P2RX3: variants seen among roughly 807,000 people sequenced by gnomAD.
P2RX3 encodes the protein P2X purinoceptor 3.
A neutral mutation model predicts 51.5 loss-of-function variants in P2RX3; 41 were observed. That is an observed-to-expected ratio of 0.80 (90% confidence interval 0.62 to 1.03). P2RX3 has a LOEUF of 1.03. P2RX3 is among the 50% of genes least tolerant of loss of function. The probability of loss-of-function intolerance (pLI) is 0.00; values close to 1 mark genes in which losing one functional copy is unlikely to be tolerated. For synonymous variants in P2RX3, 185 were observed against 191.6 expected (o/e 0.97, Z 0.29); for missense variants, 459 against 522.1 (o/e 0.88, Z 1.18).
At chr11:57,343,242 G>A (rs547109404) in intron 1 of P2RX3, among the ~76,000 whole-genome samples, 1 of 152,210 alleles carries the variant, frequency 6.6e-6, no homozygotes, top group African/African-American at 2.4e-5. Context: ...GCACAAGAAG[G>A]AGCCTTGAAG....
chr11:57,356,291 G>GA (rs137902589), intron 8 of P2RX3, among the ~76,000 whole-genome samples: 1,574 of 151,196 alleles, frequency 0.01, 32 homozygotes, highest in African/African-American at 0.036. Flanking sequence ...CAAAAAAGGG[G>GA]AAAAAAAAAT....
At chr11:57,369,263 C>A in intron 10 of P2RX3, 98 bp from the exon 11 acceptor site, 1 of 1,005,684 alleles carries the variant, frequency 9.9e-7, no homozygotes, top group Non-Finnish European at 1.5e-6. Context: ...ACTGTTTAGG[C>A]AGCTTGGGGG....
At chr11:57,347,502 C>A in intron 4 of P2RX3, 24 bp downstream of exon 4, 2 of 1,551,488 alleles carry the variant, frequency 1.3e-6, no homozygotes, top group Non-Finnish European at 1.7e-6. Flanking sequence ...CTTACCCACC[C>A]CACAATCCCA....
intron 8 of P2RX3, among the ~76,000 whole-genome samples, chr11:57,353,846 C>A (rs117711166): frequency 0.12 from 14,799 of 120,902 alleles, 1,185 homozygotes; most frequent in Non-Finnish European, 0.16. Flanking sequence ...CTCCCCCCCC[C>A]CCGCCCCTAT....
Position 57,369,973 on chromosome 11 carries a change from G to A in P2RX3, c.1170G>A (p.Ser390=), listed in dbSNP as rs147198831. The A allele has an allele frequency of 3.1e-4, 502 of 1,613,676 alleles. No individual in the cohort carries two copies. The highest frequency in any genetic ancestry group is 1.8e-3 in the East Asian group (82 of 44,852). ...QTTAEKQSTD[S]GAFSIGH is the part of the protein sequence containing the mutation. The stretch of plus-strand genomic sequence containing the variant: ...CAGCGGAGAAGCAGTCCACCGATTC[G>A]GGGGCCTTCTCCATAGGCCACTAGG... The change falls in exon 12 of 12, where the codon TCG becomes TCA. Residue 390 remains serine (S), a synonymous_variant. Coordinates refer to ENST00000263314, the MANE Select transcript of P2RX3 (RefSeq NM_002559.5).
In P2RX3 at chr11:57,370,640, T is replaced by C. The variant is rs1017813720; in HGVS notation, c.*643T>C. Reference sequence around the variant, plus strand: ...AACAAAGTTTGCATTTTAGGGAGACTGGTTAGACAGTGGTGAGGGACCCCA... The same window carrying C: ...AACAAAGTTTGCATTTTAGGGAGACCGGTTAGACAGTGGTGAGGGACCCCA... On this transcript the variant is annotated 3_prime_UTR_variant, in exon 12 of 12. Coordinates refer to ENST00000263314, the MANE Select transcript of P2RX3 (RefSeq NM_002559.5). 4 of 152,244 alleles carry C rather than the reference T, an allele frequency of 2.6e-5. No individual in the cohort carries two copies. The highest frequency in any genetic ancestry group is 4.4e-5 in the Non-Finnish European group (3 of 68,064). 9.4% of individuals were successfully genotyped at this position (152,244 alleles called of 1,614,324 possible).
chr11:57,360,518 G>A (rs1856698254), intron 8 of P2RX3, among the ~76,000 whole-genome samples: 1 of 152,134 alleles, frequency 6.6e-6, no homozygotes, highest in Non-Finnish European at 1.5e-5. Context: ...TATGAGGCCA[G>A]GCGCGGTGGC....
intron 9 of P2RX3, 121 bp downstream of exon 9, chr11:57,368,223 G>T (rs1415493694): frequency 7.7e-7 from 1 of 1,299,884 alleles, no homozygotes; most frequent in Non-Finnish European, 1.1e-6. Context: ...GACACCCTCA[G>T]TGGGTCACTC....
At chr11:57,349,483 C>T (rs1856503433) in intron 6 of P2RX3, among the ~76,000 whole-genome samples, 1 of 151,828 alleles carries the variant, frequency 6.6e-6, no homozygotes, top group South Asian at 2.1e-4. Context: ...AAAAAATGCA[C>T]AGAGTAACCA....
Position 57,348,714 on chromosome 11 carries a change from C to T in P2RX3, c.563+10C>T, listed in dbSNP as rs371036197. The T allele has an allele frequency of 8.0e-5, 129 of 1,607,520 alleles. No individual in the cohort carries two copies. The highest frequency in any genetic ancestry group is 2.8e-5 in the Non-Finnish European group (33 of 1,175,512). The stretch of plus-strand genomic sequence containing the variant: ...TCTTCAACTTTGAGAAGTGAGTCCC[C>T]ACTCCTTCCCTAAAGCCAAGATGCA... On this transcript the variant is annotated intron_variant, in intron 6 of 11. Coordinates refer to ENST00000263314, the MANE Select transcript of P2RX3 (RefSeq NM_002559.5).
At chr11:57,337,289 C>CAAAA (rs36169095), upstream of P2RX3, among the ~76,000 whole-genome samples, 10 of 26,580 alleles carry the variant, frequency 3.8e-4, no homozygotes, top group African/African-American at 6.3e-4. Context: ...GAGACTCTGT[C>CAAAA]AAAAAAAAAA....
At chr11:57,342,891 G>A (rs1856367627) in intron 1 of P2RX3, among the ~76,000 whole-genome samples, 1 of 152,150 alleles carries the variant, frequency 6.6e-6, no homozygotes, top group Non-Finnish European at 1.5e-5. Context: ...CCTGGGGGCG[G>A]ATGGGAGGGT....
At chr11:57,336,164 G>GT (rs978314114), upstream of P2RX3, among the ~76,000 whole-genome samples, 2 of 152,142 alleles carry the variant, frequency 1.3e-5, no homozygotes, top group African/African-American at 4.8e-5. Flanking sequence ...ATGCGTGCCC[G>GT]TTTCTCTGCA....
At chr11:57,367,943 C>A in intron 8 of P2RX3, 66 bp from the exon 9 acceptor site, 1 of 1,310,712 alleles carries the variant, frequency 7.6e-7, no homozygotes, top group Non-Finnish European at 1.1e-6. Context: ...CTCTGGAGGA[C>A]CCAGAAGGTT....
At chr11:57,349,095 C>T (rs539131421) in intron 6 of P2RX3, among the ~76,000 whole-genome samples, 2 of 152,168 alleles carry the variant, frequency 1.3e-5, no homozygotes, top group East Asian at 1.9e-4. Flanking sequence ...GTTCAGCCCC[C>T]CTTCATTGAC....
At chr11:57,339,223 G>C (rs1197664215) in intron 1 of P2RX3, among the ~76,000 whole-genome samples, 1 of 152,116 alleles carries the variant, frequency 6.6e-6, no homozygotes, top group Non-Finnish European at 1.5e-5. Context: ...GAGATGGTGA[G>C]AGAGAGAAGG....
chr11:57,369,626 T>C (rs953453451), intron 11 of P2RX3, among the ~76,000 whole-genome samples, 188 bp downstream of exon 11: 57 of 152,218 alleles, frequency 3.7e-4, no homozygotes, highest in African/African-American at 1.3e-3. Context: ...TTGGGGGTTC[T>C]GTGGGTCATC....
intron 8 of P2RX3, among the ~76,000 whole-genome samples, chr11:57,362,125 A>T (rs990082694): frequency 1.3e-5 from 2 of 152,212 alleles, no homozygotes; most frequent in African/African-American, 4.8e-5. Context: ...GCTCTAATGG[A>T]TGAATAGGAG....
At chr11:57,350,023 TC>T in intron 7 of P2RX3, 125 bp downstream of exon 7, 1 of 1,412,156 alleles carries the variant, frequency 7.1e-7, no homozygotes, top group Non-Finnish European at 9.5e-7. Context: ...GGTGGAAGCA[TC>T]CCAGGCCGCC....
Sources: allele counts gnomAD v4.1 joint callset (sites outside exome capture counted in the v4.1 genomes callset), GRCh38; gene constraint gnomAD v4.1.1; transcripts MANE v1.5; gene names NCBI Gene and HGNC (gene_info 2026-07-23, HGNC 2026-07-21).